Variants in PPP1R10 observed in about 807,000 individuals in gnomAD.
PPP1R10 encodes protein phosphatase 1 regulatory subunit 10.
Under a neutral mutation model 99.0 loss-of-function variants are expected in PPP1R10, and 15 were observed. That is an observed-to-expected ratio of 0.15 (90% CI 0.10 to 0.23). PPP1R10 has a LOEUF of 0.23. Among genes scored for constraint, PPP1R10 ranks in the 10% least tolerant of loss-of-function variants. The pLI, the probability that PPP1R10 is intolerant of heterozygous loss-of-function variation, is 1.00. For synonymous variants in PPP1R10, 430 were observed against 449.5 expected (o/e 0.96, Z 0.55); for missense variants, 947 against 1,259.4 (o/e 0.75, Z 3.75).
rs1357772420 is a variant in PPP1R10, at chr6:30,600,624, T to TG, written c.*924dup. On this transcript the variant is annotated 3_prime_UTR_variant, in exon 20 of 20. Coordinates refer to ENST00000376511, the MANE Select transcript of PPP1R10 (RefSeq NM_002714.4). ...TGAATCCACCCAGGAAGGCGCCTGGTGGGGATTCAGAGGTGGTTGACAGGG... is the reference window on the plus strand; with the variant it reads ...TGAATCCACCCAGGAAGGCGCCTGGTGGGGGATTCAGAGGTGGTTGACAGGG... 2.0e-5 allele frequency: 3 copies of TG among 152,448 alleles called. No homozygotes were observed. The highest frequency in any genetic ancestry group is 7.3e-5 in the African/African-American group (3 of 41,366). 9.4% of individuals were successfully genotyped at this position (152,448 alleles called of 1,614,324 possible). A position where few individuals can be genotyped will look rare whatever the true frequency, so the allele number is the denominator to read the frequency against.
chr6:30,614,861 C>A (rs1302202795), intron 2 of PPP1R10, among the ~76,000 whole-genome samples: 1 of 152,210 alleles, frequency 6.6e-6, no homozygotes, highest in Non-Finnish European at 1.5e-5. Context: ...TAGAACTACA[C>A]AGAGATGGAC....
At chr6:30,607,571 A>C (rs1436849076) in intron 6 of PPP1R10, among the ~76,000 whole-genome samples, 1 of 152,184 alleles carries the variant, frequency 6.6e-6, no homozygotes. Context: ...TTTTAAGTGT[A>C]TGTGTTTTAT....
intron 16 of PPP1R10, 63 bp downstream of exon 16, chr6:30,603,409 A>G: frequency 6.3e-7 from 1 of 1,589,848 alleles, no homozygotes; most frequent in South Asian, 1.1e-5. Flanking sequence ...AATGGGAGAC[A>G]GTGAGGAGAG....
chr6:30,604,157 A>G lies in PPP1R10; in HGVS notation c.1359T>C (p.Asp453=), dbSNP rs1803675913. 6.2e-7 allele frequency: 1 copy of G among 1,614,158 alleles called. No homozygotes were observed. Among genetic ancestry groups the G allele is most frequent in the Non-Finnish European group, 8.5e-7 (1 of 1,180,036 alleles). ...AFETARRLSH[D]NMEEKVPWVC... ...CCCAGGGCACCTTCTCCTCCATGTT[A>G]TCATGGCTCAGACGCCGCGCTGTCT... The change falls in exon 14 of 20, where the codon GAT becomes GAC. Residue 453 remains aspartate (D), a synonymous_variant. Coordinates refer to ENST00000376511, the MANE Select transcript of PPP1R10 (RefSeq NM_002714.4). This position sits in a 1 kb window ranked among gnomAD's most constrained non-coding sequence, Gnocchi z 7.3.
chr6:30,604,669 C>A lies in PPP1R10; in HGVS notation c.1021G>T (p.Ala341Ser). 1 of 1,613,132 alleles carries A rather than the reference C, an allele frequency of 6.2e-7. No homozygotes were observed. Among genetic ancestry groups the A allele is most frequent in the South Asian group, 1.1e-5 (1 of 91,086 alleles). The change falls in exon 12 of 20, where the codon GCA becomes TCA. Residue 341 changes from alanine to serine, a missense_variant. Physicochemically the swap from Ala to Ser is moderately conservative, Grantham distance 99. Coordinates refer to ENST00000376511, the MANE Select transcript of PPP1R10 (RefSeq NM_002714.4). The surrounding 1 kb of genome is among the most constrained non-coding windows in gnomAD (Gnocchi z 7.3). ...GCGTCCATTGCCTCAGAAGGTGGTGCTGGTTCTGGGGAAGAAGGTTTGGCT... is the reference window on the plus strand; with the variant it reads ...GCGTCCATTGCCTCAGAAGGTGGTGATGGTTCTGGGGAAGAAGGTTTGGCT... ...STAKPSSPEP[A>S]PPSEAMDADR...
At chr6:30,612,889 C>G (rs1449705685) in intron 2 of PPP1R10, among the ~76,000 whole-genome samples, 1 of 152,204 alleles carries the variant, frequency 6.6e-6, no homozygotes, top group Non-Finnish European at 1.5e-5. Flanking sequence ...ATTACCTACT[C>G]AAGATCTGGA....
Position 30,602,017 on chromosome 6 carries a change from G to A in PPP1R10, c.2632C>T (p.His878Tyr), listed in dbSNP as rs1803368963. 6.5e-7 allele frequency: 1 copy of A among 1,533,490 alleles called. No homozygotes were observed. The highest frequency in any genetic ancestry group is 1.3e-5 in the South Asian group (1 of 78,706). 95.0% of individuals were successfully genotyped at this position (1,533,490 alleles called of 1,614,324 possible). A position where few individuals can be genotyped will look rare whatever the true frequency, so the allele number is the denominator to read the frequency against. ...GGACCATCATGGCCACGGTGCTCATGAGGTGGCGGCCCTCGATGGTCATGG... is the reference window on the plus strand; with the variant it reads ...GGACCATCATGGCCACGGTGCTCATAAGGTGGCGGCCCTCGATGGTCATGG... Reference protein sequence around the residue: ...RGHDHRGPPPHEHRGHDGPGH... With the variant: ...RGHDHRGPPPYEHRGHDGPGH... Residue 878 changes from histidine to tyrosine, a missense_variant, in exon 19 of 20, where the codon CAT becomes TAT. Around this residue, in one of 10 missense-constraint regions of PPP1R10, gnomAD observed 525 missense variants for 578.8 expected, o/e 0.91. Coordinates refer to ENST00000376511, the MANE Select transcript of PPP1R10 (RefSeq NM_002714.4). The surrounding 1 kb of genome is among the most constrained non-coding windows in gnomAD (Gnocchi z 6.7).
intron 5 of PPP1R10, 110 bp downstream of exon 5, chr6:30,608,666 TCTG>T: frequency 7.7e-7 from 1 of 1,293,654 alleles, no homozygotes; most frequent in African/African-American, 1.5e-5. Flanking sequence ...CTATTTTTTT[TCTG>T]CTGTTCTACC....
chr6:30,601,261 T>C lies in PPP1R10; in HGVS notation c.*288A>G, dbSNP rs1803283602. ...ATTAAGGGTAATACTGGAAAGGGGT[T>C]TGGGGTACAGGGCGAATCTTCTCAA... On this transcript the variant is annotated 3_prime_UTR_variant, in exon 20 of 20. Transcript: ENST00000376511. 1.1e-5 allele frequency: 5 copies of C among 454,042 alleles called. No individual in the cohort carries two copies. Among genetic ancestry groups the C allele is most frequent in the Admixed American group, 3.8e-5 (1 of 26,278 alleles). The allele number at this position is 454,042 out of a possible 1,614,324, so 28.1% of individuals were successfully genotyped here. A position where few individuals can be genotyped will look rare whatever the true frequency, so the allele number is the denominator to read the frequency against.
chr6:30,609,300 T>A lies in PPP1R10; in HGVS notation c.108-137A>T. Reference sequence around the variant, plus strand: ...AGAGAAGGGGAGTCACATATACCTCTAGGAAGATGGGATGGATCCAGTGTG... The same window carrying A: ...AGAGAAGGGGAGTCACATATACCTCAAGGAAGATGGGATGGATCCAGTGTG... On this transcript the variant is annotated intron_variant, in intron 3 of 19. Coordinates refer to ENST00000376511, the MANE Select transcript of PPP1R10 (RefSeq NM_002714.4). The surrounding 1 kb of genome is among the most constrained non-coding windows in gnomAD (Gnocchi z 4.5). The A allele has an allele frequency of 1.4e-6, 1 of 712,006 alleles. No individual in the cohort carries two copies. Among genetic ancestry groups the A allele is most frequent in the Non-Finnish European group, 2.4e-6 (1 of 416,770 alleles). The allele number at this position is 712,006 out of a possible 1,614,324, so 44.1% of individuals were successfully genotyped here. A position where few individuals can be genotyped will look rare whatever the true frequency, so the allele number is the denominator to read the frequency against.
rs1188537298 is a variant in PPP1R10, at chr6:30,606,735, T to C, written c.460+44A>G. 7 of 1,609,526 alleles carry C rather than the reference T, an allele frequency of 4.3e-6. No homozygotes were observed. Among genetic ancestry groups the C allele is most frequent in the South Asian group, 1.1e-5 (1 of 90,962 alleles). ...GGAGCACCTAAAGGCCACATCCCAA[T>C]AGGAAAGAAATAAATACAAAGGATA... On this transcript the variant is annotated intron_variant, in intron 7 of 19. Transcript: ENST00000376511. This position sits in a 1 kb window ranked among gnomAD's most constrained non-coding sequence, Gnocchi z 6.3.
chr6:30,613,937 G>A (rs1170998703), intron 2 of PPP1R10, among the ~76,000 whole-genome samples: 1 of 152,196 alleles, frequency 6.6e-6, no homozygotes, highest in Admixed American at 6.5e-5. Context: ...CAATCCAGAA[G>A]CTTAAGTAAT....
At chr6:30,601,706 A>G in intron 19 of PPP1R10, 48 bp from the exon 20 acceptor site, 1 of 1,530,196 alleles carries the variant, frequency 6.5e-7, no homozygotes, top group Non-Finnish European at 9.0e-7. Context: ...GCTGAGGGCA[A>G]TGCCACCCTC....
chr6:30,605,146 T>C (rs1455778620), intron 10 of PPP1R10, 52 bp from the exon 11 acceptor site: 1 of 1,507,340 alleles, frequency 6.6e-7, no homozygotes, highest in Admixed American at 1.8e-5. Context: ...TTCATAATCC[T>C]ACACCTGCAA....
rs1345801891 is a variant in PPP1R10, at chr6:30,602,862, A to G, written c.1941T>C (p.Pro647=). 1.3e-6 allele frequency: 2 copies of G among 1,555,022 alleles called. No individual in the cohort carries two copies. Among genetic ancestry groups the G allele is most frequent in the South Asian group, 1.2e-5 (1 of 84,484 alleles). Residue 647 remains proline (P), a synonymous_variant, in exon 18 of 20, where the codon CCT becomes CCC. Transcript: ENST00000376511. The surrounding 1 kb of genome is among the most constrained non-coding windows in gnomAD (Gnocchi z 6.7). ...ACCACCTACCTGGCATAGGTCCCCC[A>G]GGTCCAGGGGGAAAGTGCTGCATGC... ...PKGMQHFPPG[P]GGPMPGPHGG...
chr6:30,614,208 A>G (rs1804844571), intron 2 of PPP1R10, among the ~76,000 whole-genome samples: 1 of 152,200 alleles, frequency 6.6e-6, no homozygotes, highest in Non-Finnish European at 1.5e-5. Flanking sequence ...ATGAGTTGAA[A>G]AATGAAGAGG....
Position 30,604,901 on chromosome 6 carries a change from G to C in PPP1R10, c.954+93C>G. The stretch of plus-strand genomic sequence containing the variant: ...CTATATCCAAGGCAAAACGCCTCTT[G>C]TTGTCCTCCCCGACAACTCCTAGCT... On this transcript the variant is annotated intron_variant, in intron 11 of 19. Transcript: ENST00000376511. The surrounding 1 kb of genome is among the most constrained non-coding windows in gnomAD (Gnocchi z 7.3). 2 of 1,517,724 alleles carry C rather than the reference G, an allele frequency of 1.3e-6. No individual in the cohort carries two copies. The highest frequency in any genetic ancestry group is 2.3e-5 in the East Asian group (1 of 44,414). 94.0% of individuals were successfully genotyped at this position (1,517,724 alleles called of 1,614,324 possible).
At chr6:30,612,162 A>G (rs1804625923) in intron 2 of PPP1R10, among the ~76,000 whole-genome samples, 1 of 152,238 alleles carries the variant, frequency 6.6e-6, no homozygotes, top group Admixed American at 6.5e-5. Flanking sequence ...AAAGCAAAAT[A>G]TATGCAATTT....
rs1344114618 is a variant in PPP1R10, at chr6:30,617,212, A to T, written c.-533+12T>A. On this transcript the variant is annotated intron_variant, in intron 1 of 19. Coordinates refer to ENST00000376511, the MANE Select transcript of PPP1R10 (RefSeq NM_002714.4). ...AATTTTACCCACTAGACGACAAAGT[A>T]GGCAAACTTACCTCTAAACGAACCC... 1 of 153,414 alleles carries T rather than the reference A, an allele frequency of 6.5e-6. No homozygotes were observed. The highest frequency in any genetic ancestry group is 2.4e-5 in the African/African-American group (1 of 41,450). 9.5% of individuals were successfully genotyped at this position (153,414 alleles called of 1,614,324 possible). A position where few individuals can be genotyped will look rare whatever the true frequency, so the allele number is the denominator to read the frequency against.
Sources: allele counts gnomAD v4.1 joint callset (sites outside exome capture counted in the v4.1 genomes callset), GRCh38; gene constraint gnomAD v4.1.1; regional missense constraint gnomAD v4.1.1; non-coding constraint Gnocchi (gnomAD v3.1); transcripts MANE v1.5; gene names NCBI Gene and HGNC (gene_info 2026-07-23, HGNC 2026-07-21).